The following CR1 variants were observed in gnomAD, a reference collection of about 807,000 sequenced individuals.
CR1 encodes complement receptor type 1.
CR1 carries 116 observed loss-of-function variants against 187.3 expected under a neutral mutation model. The observed-to-expected ratio is 0.62, with a 90% confidence interval of 0.53 to 0.72. CR1 has a LOEUF of 0.72. Ranked by LOEUF, CR1 falls within the 30% of genes least tolerant of loss-of-function variation. The probability of loss-of-function intolerance (pLI) is 0.00; values close to 1 mark genes in which losing one functional copy is unlikely to be tolerated. For synonymous variants in CR1, 576 were observed against 747.1 expected (o/e 0.77, Z 3.73); for missense variants, 1,731 against 2,110.7 (o/e 0.82, Z 3.52).
chr1:207,509,793 G>A (rs1659558533), intron 3 of CR1, among the ~76,000 whole-genome samples: 1 of 152,208 alleles, frequency 6.6e-6, no homozygotes, highest in South Asian at 2.1e-4. Flanking sequence ...CAGGCAGGAG[G>A]AGGTGCACAT....
At chr1:207,590,929 A>G (rs1266283984) in intron 35 of CR1, among the ~76,000 whole-genome samples, 1 of 152,242 alleles carries the variant, frequency 6.6e-6, no homozygotes, top group Non-Finnish European at 1.5e-5. Context: ...TGCACCCAAT[A>G]CAGGAGCACC....
intron 23 of CR1, 149 bp downstream of exon 23, chr1:207,564,383 G>A: frequency 9.1e-6 from 6 of 656,602 alleles, no homozygotes; most frequent in Non-Finnish European, 1.3e-5. Flanking sequence ...TACCTAGGAA[G>A]AAAGGAAAGA....
Position 207,626,158 on chromosome 1 carries a change from G to A in CR1, c.7352+3090G>A, listed in dbSNP as rs1662472752. On this transcript the variant is annotated intron_variant, in intron 45 of 46. Transcript: ENST00000367049. ...GGCCCACCTGTGAGGCTAGAAGCAAGATGAAGTCAGCCATGTTAGATTTCT... is the reference window on the plus strand; with the variant it reads ...GGCCCACCTGTGAGGCTAGAAGCAAAATGAAGTCAGCCATGTTAGATTTCT... Among the ~76,000 whole-genome samples, 7 of 152,196 alleles carry A rather than the reference G, an allele frequency of 4.6e-5. No individual in the cohort carries two copies. The South Asian group carries it at 1.4e-3, about 32-fold the overall frequency.
At chr1:207,524,324 A>T (rs1660099006) in intron 5 of CR1, among the ~76,000 whole-genome samples, 1 of 152,064 alleles carries the variant, frequency 6.6e-6, no homozygotes, top group African/African-American at 2.4e-5. Context: ...AATACAGGCT[A>T]CATGTGAATT....
At chr1:207,496,445 G>T (rs1429614581) in intron 1 of CR1, 57 bp downstream of exon 1, 6 of 1,527,060 alleles carry the variant, frequency 3.9e-6, no homozygotes, top group African/African-American at 1.4e-5. Flanking sequence ...CCGGGGCCCC[G>T]CAGAGAACTC....
chr1:207,620,939 T>A (rs895471140), intron 43 of CR1, among the ~76,000 whole-genome samples: 2 of 152,110 alleles, frequency 1.3e-5, no homozygotes, highest in African/African-American at 4.8e-5. Context: ...TGCACCAGGA[T>A]AAGAAGAGAC....
chr1:207,593,618 T>A (rs1017776557), intron 35 of CR1, among the ~76,000 whole-genome samples: 5 of 152,162 alleles, frequency 3.3e-5, no homozygotes, highest in Non-Finnish European at 7.4e-5. Context: ...TGGGATCTAA[T>A]GAAACTAAAG....
chr1:207,630,682 C>A, intron 46 of CR1, 61 bp downstream of exon 46: 1 of 1,224,248 alleles, frequency 8.2e-7, no homozygotes, highest in East Asian at 2.7e-5. Flanking sequence ...AAAATGGAAA[C>A]AGGACTTGAA....
At chr1:207,566,378 A>G (rs1348562887) in intron 24 of CR1, among the ~76,000 whole-genome samples, 1 of 149,898 alleles carries the variant, frequency 6.7e-6, no homozygotes, top group East Asian at 1.9e-4. Context: ...TATATATGAT[A>G]ATACACAAAT....
At chr1:207,615,231 G>A (rs748338849) in intron 40 of CR1, among the ~76,000 whole-genome samples, 8 of 152,114 alleles carry the variant, frequency 5.3e-5, no homozygotes, top group Non-Finnish European at 1.0e-4. Flanking sequence ...TGTAGAAAAA[G>A]CAATGAATAG....
chr1:207,512,533 T>A (rs1659656337), intron 4 of CR1, among the ~76,000 whole-genome samples: 1 of 152,244 alleles, frequency 6.6e-6, no homozygotes, highest in Non-Finnish European at 1.5e-5. Flanking sequence ...GTGTATAACA[T>A]CTTTGTCTTA....
At position 207,580,237 on chromosome 1, in the gene CR1, C is replaced by T. The variant is rs2102342170; in HGVS notation, c.4937-3C>T. Reference sequence around the variant, plus strand: ...AAGTACTCTGGAACTGTCCTTTCCACAGTGTGTCAGCCGCCTCCAGAAATC... The same window carrying T: ...AAGTACTCTGGAACTGTCCTTTCCATAGTGTGTCAGCCGCCTCCAGAAATC... On this transcript the variant is annotated splice_region_variant and splice_polypyrimidine_tract_variant and intron_variant, in intron 29 of 46. Transcript: ENST00000367049. The T allele has an allele frequency of 1.2e-6, 2 of 1,613,436 alleles. No homozygotes were observed. Among genetic ancestry groups the T allele is most frequent in the Non-Finnish European group, 1.7e-6 (2 of 1,179,542 alleles).
At chr1:207,617,606 T>TAGAGAG (rs1662174967) in intron 41 of CR1, among the ~76,000 whole-genome samples, 1 of 18,112 alleles carries the variant, frequency 5.5e-5, no homozygotes, top group Non-Finnish European at 1.0e-4. Flanking sequence ...TATATATATA[T>TAGAGAG]ATATATAGAG....
chr1:207,596,073 ATC>A (rs1290375752), intron 35 of CR1, among the ~76,000 whole-genome samples: 1 of 145,868 alleles, frequency 6.9e-6, no homozygotes, highest in Non-Finnish European at 1.5e-5. Flanking sequence ...CTATATCTAT[ATC>A]TATATATATA....
intron 46 of CR1, among the ~76,000 whole-genome samples, chr1:207,633,071 T>G (rs1002011560): frequency 6.6e-5 from 10 of 152,218 alleles, no homozygotes; most frequent in Admixed American, 6.5e-4. Context: ...ATAAATTATT[T>G]GATTTAGCCT....
At chr1:207,602,313 C>T (rs1254138589) in intron 35 of CR1, among the ~76,000 whole-genome samples, 1 of 151,766 alleles carries the variant, frequency 6.6e-6, no homozygotes. Flanking sequence ...TAAAGTTTGC[C>T]AAAGATTACA....
At chr1:207,617,039 G>C (rs1377175461) in intron 41 of CR1, among the ~76,000 whole-genome samples, 1 of 152,086 alleles carries the variant, frequency 6.6e-6, no homozygotes, top group Non-Finnish European at 1.5e-5. Flanking sequence ...AGGAGAGAAG[G>C]GGGTGGACAG....
chr1:207,632,899 A>T (rs2102417121), intron 46 of CR1, among the ~76,000 whole-genome samples: 1 of 152,002 alleles, frequency 6.6e-6, no homozygotes, highest in East Asian at 1.9e-4. Context: ...TGCGTGAGGC[A>T]TTCATTTTCC....
rs55641279 is a variant in CR1 at position 207,501,918 on chromosome 1, GTT to G, written c.122-3975_122-3974del. 9.1e-3 allele frequency among the ~76,000 whole-genome samples: 1,318 copies of G among 145,634 alleles called. 19 individuals carry two copies. The highest frequency in any genetic ancestry group is 0.03 in the African/African-American group (1,227 of 40,688). On this transcript the variant is annotated intron_variant, in intron 1 of 46. Coordinates refer to ENST00000367049, the MANE Select transcript of CR1 (RefSeq NM_000651.6). Reference sequence around the variant, plus strand: ...AATAACAGCAACTGTTTTACTCAGTGTTTTTTTTTTTTACAGTATCCTCAAAG... The same window carrying G: ...AATAACAGCAACTGTTTTACTCAGTGTTTTTTTTTTACAGTATCCTCAAAG...
Sources: gnomAD v4.1 joint callset for allele counts (sites outside exome capture counted in the v4.1 genomes callset) on GRCh38, gnomAD v4.1.1 for gene constraint, MANE v1.5 for transcripts, NCBI Gene and HGNC (gene_info 2026-07-23, HGNC 2026-07-21) for gene names.